Variants in SYT16 observed in about 807,000 individuals in gnomAD.
SYT16 encodes the protein synaptotagmin 16.
Under a neutral mutation model 61.4 loss-of-function variants are expected in SYT16, and 42 were observed. That is an observed-to-expected ratio of 0.68 (90% confidence interval 0.53 to 0.89). The LOEUF is 0.89. Among genes scored for constraint, SYT16 ranks in the 40% least tolerant of loss-of-function variants. The pLI is 0.00. For missense variants in SYT16, 804 were observed against 807.3 expected (o/e 1.00, Z 0.05); for synonymous variants, 314 against 302.3 (o/e 1.04, Z -0.40).
intron 1 of SYT16, among the ~76,000 whole-genome samples, chr14:61,857,596 T>C (rs2046815343): frequency 6.6e-6 from 1 of 152,004 alleles, no homozygotes; most frequent in Admixed American, 6.6e-5. Context: ...TAGACAGTAC[T>C]AAAGGAGAGT....
intron 3 of SYT16, among the ~76,000 whole-genome samples, chr14:62,046,136 T>C (rs1424633046): frequency 2.0e-5 from 3 of 152,178 alleles, no homozygotes; most frequent in Non-Finnish European, 4.4e-5. Flanking sequence ...TTTTTAATGA[T>C]CGCCATTCTA....
At chr14:61,961,376 A>C (rs2051108831) in intron 1 of SYT16, among the ~76,000 whole-genome samples, 2 of 152,152 alleles carry the variant, frequency 1.3e-5, no homozygotes, top group Non-Finnish European at 2.9e-5. Flanking sequence ...TCCATCCAAC[A>C]AAGGTCTAAT....
chr14:61,908,805 A>ATTTC lies in SYT16; in HGVS notation c.-324-61316_-324-61313dup, dbSNP rs202032888. Among the ~76,000 whole-genome samples the ATTTC allele has an allele frequency of 8.7e-3, 1,321 of 152,172 alleles. 8 individuals are homozygous for ATTTC. The highest frequency in any genetic ancestry group is 0.031 in the Middle Eastern group (9 of 294). ...TGGCTCAACCAAAAAGCAGCAATCC[A>ATTTC]TTTCTTTCTTTCTTCCTTTCTTTCC... On this transcript the variant is annotated intron_variant, in intron 1 of 7. Coordinates refer to ENST00000683842, the MANE Select transcript of SYT16 (RefSeq NM_001367656.1).
intron 1 of SYT16, among the ~76,000 whole-genome samples, chr14:61,814,303 T>C (rs1168770571): frequency 6.6e-6 from 1 of 152,190 alleles, no homozygotes; most frequent in Non-Finnish European, 1.5e-5. Context: ...AAAAAAATTA[T>C]GGTTGAAGCT....
intron 1 of SYT16, among the ~76,000 whole-genome samples, chr14:61,966,926 G>A (rs1163207788): frequency 6.6e-6 from 1 of 152,210 alleles, no homozygotes; most frequent in Non-Finnish European, 1.5e-5. Context: ...TTTATTGAAT[G>A]TTTACCTTTT....
At chr14:62,084,407 C>A (rs1411235558) in intron 7 of SYT16, 22 bp downstream of exon 7, 1 of 1,600,622 alleles carries the variant, frequency 6.2e-7, no homozygotes, top group Admixed American at 1.8e-5. Context: ...TCTGTTCTCC[C>A]AGCTCTGGTT....
At chr14:61,821,695 T>C (rs1437815713) in intron 1 of SYT16, among the ~76,000 whole-genome samples, 1 of 152,220 alleles carries the variant, frequency 6.6e-6, no homozygotes, top group Non-Finnish European at 1.5e-5. Flanking sequence ...CAAGTGACAT[T>C]CCATCACCTT....
intron 1 of SYT16, among the ~76,000 whole-genome samples, chr14:61,873,940 T>C (rs2047408281): frequency 6.6e-6 from 1 of 152,220 alleles, no homozygotes. Flanking sequence ...TGAGGAGTTG[T>C]CAGTGTTTTA....
intron 1 of SYT16, among the ~76,000 whole-genome samples, chr14:61,848,453 T>G (rs79754978): frequency 0.019 from 2,911 of 152,204 alleles, 92 homozygotes; most frequent in African/African-American, 0.065. Flanking sequence ...TGCTGAGCAG[T>G]CTGGAAGTGG....
At chr14:62,046,275 C>G (rs1456299010) in intron 3 of SYT16, among the ~76,000 whole-genome samples, 1 of 152,152 alleles carries the variant, frequency 6.6e-6, no homozygotes, top group Non-Finnish European at 1.5e-5. Context: ...TGTTCATATC[C>G]TTCGCCCACT....
intron 1 of SYT16, among the ~76,000 whole-genome samples, chr14:61,906,825 CCA>C (rs1393704381): frequency 2.0e-5 from 3 of 151,344 alleles, no homozygotes; most frequent in Non-Finnish European, 3.0e-5. Context: ...ATCCATCCAT[CCA>C]TCCCAGTACT....
At chr14:62,047,632 A>G (rs1399324101) in intron 3 of SYT16, among the ~76,000 whole-genome samples, 1 of 149,670 alleles carries the variant, frequency 6.7e-6, no homozygotes, top group African/African-American at 2.5e-5. Context: ...AGCTCTTATT[A>G]TTTTGAGATA....
At chr14:62,078,857 T>C (rs995823495) in intron 5 of SYT16, among the ~76,000 whole-genome samples, 4 of 152,230 alleles carry the variant, frequency 2.6e-5, no homozygotes, top group Non-Finnish European at 4.4e-5. Flanking sequence ...TAAGACTTTA[T>C]TGAGTAGTTC....
chr14:62,081,624 T>C (rs150097448), intron 6 of SYT16, among the ~76,000 whole-genome samples: 1 of 152,280 alleles, frequency 6.6e-6, no homozygotes, highest in East Asian at 1.9e-4. Context: ...ATCTCAGAGA[T>C]GGGACTTTCT....
At chr14:62,084,490 A>C in intron 7 of SYT16, 105 bp downstream of exon 7, 2 of 1,284,400 alleles carry the variant, frequency 1.6e-6, no homozygotes, top group East Asian at 5.3e-5. Context: ...AAATGATCTT[A>C]TTATGGCTTA....
At chr14:61,849,761 G>A (rs2046555486) in intron 1 of SYT16, among the ~76,000 whole-genome samples, 1 of 152,158 alleles carries the variant, frequency 6.6e-6, no homozygotes, top group Non-Finnish European at 1.5e-5. Context: ...TCAGTGATAT[G>A]AAGTTAAAAC....
rs569678412 is a variant in SYT16, at chr14:61,888,200, C to T, written c.-325+75390C>T. On this transcript the variant is annotated intron_variant, in intron 1 of 7. Transcript: ENST00000683842. ...TGGCGTGATCTTGGCTCACTGCAAC[C>T]TCCGTCTCCCACGTTCTAACGATTC... Among the ~76,000 whole-genome samples the T allele has an allele frequency of 1.5e-4, 23 of 151,440 alleles. No homozygotes were observed. The South Asian group carries it at 3.7e-3, about 25-fold the overall frequency.
intron 1 of SYT16, among the ~76,000 whole-genome samples, chr14:61,821,505 A>C (rs1036510511): frequency 2.6e-5 from 4 of 152,140 alleles, no homozygotes; most frequent in African/African-American, 9.7e-5. Flanking sequence ...CAGATCCACT[A>C]CTGAGCTCAT....
chr14:61,955,109 T>C (rs1946574874), intron 1 of SYT16, among the ~76,000 whole-genome samples: 1 of 152,104 alleles, frequency 6.6e-6, no homozygotes, highest in African/African-American at 2.4e-5. Flanking sequence ...AGTACCTAAC[T>C]GATTTATTGA....
Sources: allele counts gnomAD v4.1 joint callset (sites outside exome capture counted in the v4.1 genomes callset), GRCh38; gene constraint gnomAD v4.1.1; transcripts MANE v1.5; gene names NCBI Gene and HGNC (gene_info 2026-07-23, HGNC 2026-07-21).